The following ERG variants were observed in gnomAD, a reference collection of about 807,000 sequenced individuals.
ERG encodes ETS transcription factor ERG.
In ERG, 9 loss-of-function variants were observed where a neutral mutation model predicts 55.3. That is an observed-to-expected ratio of 0.16 (90% CI 0.10 to 0.28). The LOEUF is 0.28. ERG is among the 10% of genes least tolerant of loss of function. The pLI is 1.00. For missense variants in ERG, 434 were observed against 631.6 expected (o/e 0.69, Z 3.35); for synonymous variants, 223 against 237.3 (o/e 0.94, Z 0.55).
chr21:38,445,405 T>C lies in ERG; in HGVS notation c.235A>G (p.Arg79Gly). The change falls in exon 2 of 10, where the codon AGG becomes GGG. Residue 79 changes from arginine (R) to glycine (G), a missense_variant and splice_region_variant. By Grantham distance (125) the Arg-to-Gly change is moderately radical. Coordinates refer to ENST00000288319, the MANE Select transcript of ERG (RefSeq NM_182918.4). ...AGAAAGGGGCGGAAGTCTCCTTACC[T>C]TGAGCCATTCACCTGGCTAGGGTTA... is the stretch of plus-strand genomic sequence containing the variant. ...ECNPSQVNGS[R>G]NSPDECSVAK... 1 of 1,612,082 alleles carries C rather than the reference T, an allele frequency of 6.2e-7. No homozygotes were observed. Among genetic ancestry groups the C allele is most frequent in the Non-Finnish European group, 8.5e-7 (1 of 1,178,214 alleles).
Position 38,423,532 on chromosome 21 carries a change from T to C in ERG, c.266A>G (p.Lys89Arg), listed in dbSNP as rs2146503692. 4.3e-6 allele frequency: 7 copies of C among 1,614,034 alleles called. No homozygotes were observed. The highest frequency in any genetic ancestry group is 5.9e-6 in the Non-Finnish European group (7 of 1,179,920). The change falls in exon 3 of 10, where the codon AAA (lysine) becomes AGA (arginine). Residue 89 changes from lysine (K) to arginine (R), a missense_variant. Physicochemically the swap from Lys to Arg is conservative, Grantham distance 26 (BLOSUM62 2). Transcript: ENST00000288319. ...TGGGCTGCCCACCATCTTCCCGCCT[T>C]TGGCCACACTGCATTCATCAGGAGA... ...RNSPDECSVA[K>R]GGKMVGSPDT...
At chr21:38,567,075 G>T (rs917621811) in intron 2 of ERG, among the ~76,000 whole-genome samples, 22 of 19,684 alleles carry the variant, frequency 1.1e-3, no homozygotes, top group South Asian at 3.3e-3. Flanking sequence ...CGCCAGACTG[G>T]GGGGGGGATT....
At chr21:38,573,493 G>C (rs1386691542) in intron 2 of ERG, among the ~76,000 whole-genome samples, 2 of 152,242 alleles carry the variant, frequency 1.3e-5, no homozygotes, top group South Asian at 2.1e-4. Context: ...TTACAGCAAT[G>C]CTGCTTTGTT....
intron 4 of ERG, among the ~76,000 whole-genome samples, 154 bp downstream of exon 4, chr21:38,403,352 C>T (rs12483596): frequency 0.019 from 2,866 of 152,276 alleles, 118 homozygotes; most frequent in East Asian, 0.15. Flanking sequence ...TCCCCTAAGT[C>T]ATCACATACC....
chr21:38,447,259 G>GTGGT (rs1254693968), intron 1 of ERG, among the ~76,000 whole-genome samples: 1 of 151,846 alleles, frequency 6.6e-6, no homozygotes, highest in Non-Finnish European at 1.5e-5. Flanking sequence ...GTCTCTCAAA[G>GTGGT]TGGTGGTCAG....
intron 1 of ERG, among the ~76,000 whole-genome samples, chr21:38,457,154 A>G (rs1478158441): frequency 6.6e-6 from 1 of 152,186 alleles, no homozygotes; most frequent in East Asian, 1.9e-4. Context: ...GAAAGTCACA[A>G]GCCTGGGCGG....
intron 3 of ERG, among the ~76,000 whole-genome samples, chr21:38,405,173 T>C (rs1988705710): frequency 6.6e-6 from 1 of 152,216 alleles, no homozygotes; most frequent in South Asian, 2.1e-4. Context: ...CGTGTATCAC[T>C]CCTATACATA....
chr21:38,377,562 G>A (rs943562355), downstream of ERG, among the ~76,000 whole-genome samples: 2 of 152,220 alleles, frequency 1.3e-5, no homozygotes, highest in Admixed American at 1.3e-4. Flanking sequence ...ATTAATAAGA[G>A]AACTTACTTA....
chr21:38,450,089 C>A (rs60591637), intron 1 of ERG, among the ~76,000 whole-genome samples: 4 of 148,828 alleles, frequency 2.7e-5, no homozygotes, highest in Admixed American at 2.7e-4. Context: ...CATGATCATG[C>A]TTAAAAAAAA....
intron 1 of ERG, among the ~76,000 whole-genome samples, chr21:38,581,230 G>A (rs979204412): frequency 2.0e-5 from 3 of 152,166 alleles, no homozygotes; most frequent in African/African-American, 7.2e-5. Flanking sequence ...CTGGGCTGGG[G>A]GCAGTGCTCG....
intron 1 of ERG, among the ~76,000 whole-genome samples, chr21:38,473,735 CTT>C (rs1555904972): frequency 6.6e-6 from 1 of 152,042 alleles, no homozygotes; most frequent in Non-Finnish European, 1.5e-5. Context: ...TTAAAGTTCA[CTT>C]AAGTTTTATC....
chr21:38,579,606 T>C (rs1250220884), intron 1 of ERG, among the ~76,000 whole-genome samples: 2 of 152,046 alleles, frequency 1.3e-5, no homozygotes, highest in Admixed American at 6.6e-5. Flanking sequence ...GGAACCTAAG[T>C]TTCTCCCAGC....
rs376372840 is a variant in ERG at position 38,476,868 on chromosome 21, G to A, written c.18+21495C>T. Among the ~76,000 whole-genome samples the A allele has an allele frequency of 6.2e-4, 94 of 152,254 alleles. 2 individuals carry two copies. The South Asian group carries it at 0.017, about 27-fold the overall frequency. On this transcript the variant is annotated intron_variant, in intron 1 of 9. Transcript: ENST00000288319. The stretch of plus-strand genomic sequence containing the variant: ...GTGTGAGTGGGCTGAGGTTATTAGC[G>A]TAAAAATTAACTGGAGGTATTTCCA...
intron 2 of ERG, among the ~76,000 whole-genome samples, chr21:38,507,760 G>A (rs886139477): frequency 3.3e-5 from 5 of 152,154 alleles, no homozygotes; most frequent in Non-Finnish European, 7.4e-5. Context: ...GCCAGCTGTG[G>A]CTCCTCTTTA....
intron 1 of ERG, chr21:38,450,925 G>C (rs1436938726): frequency 4.4e-6 from 2 of 456,088 alleles, no homozygotes; most frequent in Non-Finnish European, 8.8e-6. Context: ...CCATCAGAAA[G>C]TGCGATTAGA....
intron 1 of ERG, among the ~76,000 whole-genome samples, chr21:38,456,806 T>C (rs1428118136): frequency 1.3e-5 from 2 of 152,204 alleles, no homozygotes; most frequent in African/African-American, 2.4e-5. Flanking sequence ...AGAAGATTTT[T>C]CCAGCACATA....
At chr21:38,472,203 T>TGAAA (rs1376544308) in intron 1 of ERG, 2 of 151,434 alleles carry the variant, frequency 1.3e-5, no homozygotes, top group East Asian at 1.9e-4. Context: ...AAAGAAAGAA[T>TGAAA]GAAAGAAAGG....
intron 1 of ERG, among the ~76,000 whole-genome samples, chr21:38,618,953 A>G (rs1247891502): frequency 1.3e-5 from 2 of 152,238 alleles, no homozygotes; most frequent in South Asian, 2.1e-4. Flanking sequence ...TCAATAAGTC[A>G]AAGTTAGTCC....
chr21:38,451,363 CTTTTCTT>C, intron 1 of ERG: 1 of 394,542 alleles, frequency 2.5e-6, no homozygotes. Flanking sequence ...CAACCTTGTT[CTTTTCTT>C]TGATTAATCA....
Sources: allele counts gnomAD v4.1 joint callset (sites outside exome capture counted in the v4.1 genomes callset), GRCh38; gene constraint gnomAD v4.1.1; transcripts MANE v1.5; gene names NCBI Gene and HGNC (gene_info 2026-07-23, HGNC 2026-07-21).